Variants in CSMD3 observed in about 807,000 individuals in gnomAD.
The protein encoded by CSMD3 is CUB and Sushi multiple domains 3, also known as CUB and sushi domain-containing protein 3.
CSMD3 carries 177 observed loss-of-function variants against 435.2 expected under a neutral mutation model. The observed-to-expected ratio is 0.41, with a 90% CI of 0.36 to 0.46. The LOEUF is 0.46. Among genes scored for constraint, CSMD3 ranks in the 20% least tolerant of loss-of-function variants. The pLI, the probability that CSMD3 is intolerant of heterozygous loss-of-function variation, is 0.34. For synonymous variants in CSMD3, 1,656 were observed against 1,520.5 expected, an observed-to-expected ratio of 1.09 and a Z score of -2.07; for missense variants, 4,265 against 4,504.6, an observed-to-expected ratio of 0.95 and a Z score of 1.52.
chr8:113,360,507 G>C (rs973361163), intron 1 of CSMD3, among the ~76,000 whole-genome samples: 12 of 151,314 alleles, frequency 7.9e-5, no homozygotes, highest in African/African-American at 1.7e-4. Context: ...ATGTAAAAGT[G>C]ATGACACTAT....
At chr8:113,129,326 G>T (rs141793266) in intron 4 of CSMD3, among the ~76,000 whole-genome samples, 3 of 152,066 alleles carry the variant, frequency 2.0e-5, no homozygotes, top group Non-Finnish European at 4.4e-5. Context: ...AGTATAATAC[G>T]TAGAGATGAT....
At chr8:112,464,591 T>G (rs1817773679) in intron 32 of CSMD3, among the ~76,000 whole-genome samples, 1 of 152,012 alleles carries the variant, frequency 6.6e-6, no homozygotes. Context: ...TACATACAGG[T>G]TGAAGAAATA....
At chr8:112,746,306 T>A (rs1307706940) in intron 13 of CSMD3, among the ~76,000 whole-genome samples, 1 of 152,148 alleles carries the variant, frequency 6.6e-6, no homozygotes, top group Non-Finnish European at 1.5e-5. Context: ...TAAATGGAAG[T>A]AGCTTCCTGG....
intron 13 of CSMD3, 99 bp from the exon 14 acceptor site, chr8:112,690,149 T>C (rs1293451335): frequency 2.3e-5 from 20 of 885,984 alleles, no homozygotes; most frequent in Non-Finnish European, 2.9e-5. Flanking sequence ...TGTGGAGATA[T>C]TTCAGAACAA....
chr8:113,053,054 A>C (rs1239195814), intron 5 of CSMD3, among the ~76,000 whole-genome samples: 2 of 152,120 alleles, frequency 1.3e-5, no homozygotes, highest in South Asian at 2.1e-4. Flanking sequence ...TTTTTCAATC[A>C]AGTCAATGAC....
At chr8:113,134,832 G>A (rs2091374086) in intron 4 of CSMD3, among the ~76,000 whole-genome samples, 1 of 151,954 alleles carries the variant, frequency 6.6e-6, no homozygotes, top group South Asian at 2.1e-4. Context: ...AAGTCCAAGA[G>A]TAAGGTGGTG....
At chr8:112,423,878 T>A (rs1420908861) in intron 32 of CSMD3, among the ~76,000 whole-genome samples, 3 of 152,152 alleles carry the variant, frequency 2.0e-5, no homozygotes, top group African/African-American at 7.2e-5. Context: ...ATGTAAGTAT[T>A]CAAGTTCCAT....
chr8:112,570,449 C>G (rs1051829947), intron 24 of CSMD3, among the ~76,000 whole-genome samples: 3 of 152,144 alleles, frequency 2.0e-5, no homozygotes, highest in Non-Finnish European at 2.9e-5. Context: ...CTGATAGAAT[C>G]AGGATAAGCA....
intron 5 of CSMD3, among the ~76,000 whole-genome samples, chr8:113,047,932 C>G (rs1215695472): frequency 1.3e-5 from 2 of 151,968 alleles, no homozygotes; most frequent in African/African-American, 4.8e-5. Flanking sequence ...GAAATTAGGT[C>G]TGTATCTTAT....
At chr8:113,066,522 T>C (rs1194751414) in intron 5 of CSMD3, among the ~76,000 whole-genome samples, 6 of 152,166 alleles carry the variant, frequency 3.9e-5, no homozygotes, top group Admixed American at 2.0e-4. Flanking sequence ...AGAATTCTTT[T>C]CAGTGGCTTT....
chr8:113,048,371 G>A (rs961340058), intron 5 of CSMD3, among the ~76,000 whole-genome samples: 1 of 152,124 alleles, frequency 6.6e-6, no homozygotes. Context: ...GGGATTACAG[G>A]CGTGAGCCAC....
At chr8:112,267,650 G>T (rs1031129996) in intron 59 of CSMD3, among the ~76,000 whole-genome samples, 1 of 152,094 alleles carries the variant, frequency 6.6e-6, no homozygotes, top group Non-Finnish European at 1.5e-5. Flanking sequence ...ATCTTGGCAA[G>T]GAGAAATAGC....
intron 13 of CSMD3, among the ~76,000 whole-genome samples, chr8:112,732,194 CAA>C (rs900839281): frequency 2.0e-5 from 3 of 151,986 alleles, no homozygotes; most frequent in Middle Eastern, 3.2e-3. Context: ...GCAAGAGAAA[CAA>C]GAGAGGATTC....
chr8:112,649,550 G>A (rs1043050009), intron 19 of CSMD3, among the ~76,000 whole-genome samples: 1 of 152,154 alleles, frequency 6.6e-6, no homozygotes, highest in East Asian at 1.9e-4. Context: ...AAGCATGCAA[G>A]CACTTCCCAA....
At chr8:112,911,394 G>A (rs535571849) in intron 10 of CSMD3, among the ~76,000 whole-genome samples, 3 of 151,788 alleles carry the variant, frequency 2.0e-5, no homozygotes, top group South Asian at 2.1e-4. Flanking sequence ...TTTGTGTGGC[G>A]AAAACATTTA....
rs2081119699 is a variant in CSMD3 at position 112,870,966 on chromosome 8, A to G, written c.1634-11700T>C. Among the ~76,000 whole-genome samples the G allele has an allele frequency of 2.0e-5, 3 of 152,276 alleles. No homozygotes were observed. In the South Asian group the frequency reaches 6.2e-4, roughly 32 times the overall value. ...ACATATTTTATTTCCATCTCCCCCC[A>G]CCACTCCCCAGTAATTTCGGAGTTT... On this transcript the variant is annotated intron_variant, in intron 10 of 70. Transcript: ENST00000297405.
intron 13 of CSMD3, among the ~76,000 whole-genome samples, chr8:112,710,529 T>C (rs1030620185): frequency 6.6e-6 from 1 of 152,068 alleles, no homozygotes; most frequent in African/African-American, 2.4e-5. Flanking sequence ...ATATAGAAAT[T>C]ACAACTTTTT....
chr8:112,320,578 G>A (rs1822897996), intron 45 of CSMD3, among the ~76,000 whole-genome samples: 1 of 151,444 alleles, frequency 6.6e-6, no homozygotes, highest in South Asian at 2.1e-4. Flanking sequence ...CCATGTTGGT[G>A]TGCTGCACCC....
At chr8:112,274,203 A>G (rs1392619886) in intron 59 of CSMD3, among the ~76,000 whole-genome samples, 1 of 150,984 alleles carries the variant, frequency 6.6e-6, no homozygotes, top group Non-Finnish European at 1.5e-5. Context: ...AAGAACCAAA[A>G]GAAAAAAAAA....
Sources: gnomAD v4.1 joint callset for allele counts (sites outside exome capture counted in the v4.1 genomes callset) on GRCh38, gnomAD v4.1.1 for gene constraint, MANE v1.5 for transcripts, NCBI Gene and HGNC (gene_info 2026-07-23, HGNC 2026-07-21) for gene names.